WDR27: variants seen among roughly 807,000 people sequenced by gnomAD.
The protein encoded by WDR27 is WD repeat domain 27.
Under a neutral mutation model 114.4 loss-of-function variants are expected in WDR27, and 100 were observed. The observed-to-expected ratio is 0.87, with a 90% confidence interval of 0.74 to 1.03. The LOEUF is 1.03. WDR27 is among the 50% of genes least tolerant of loss of function. WDR27 has a pLI of 0.00. For synonymous variants in WDR27, 449 were observed against 423.1 expected (o/e 1.06, Z -0.75); for missense variants, 1,129 against 1,092.9 (o/e 1.03, Z -0.47).
chr6:169,677,015 ATG>A lies in WDR27; in HGVS notation c.190-4621_190-4620del, dbSNP rs1257457138. On this transcript the variant is annotated intron_variant, in intron 2 of 25. Coordinates refer to ENST00000448612, the MANE Select transcript of WDR27 (RefSeq NM_182552.5). Reference sequence around the variant, plus strand: ...GATGCTTTCATTGACATAGCAATTCATGAAAGGCCTAATACAGAAAATTGGTA... The same window carrying A: ...GATGCTTTCATTGACATAGCAATTCAAAAGGCCTAATACAGAAAATTGGTA... Among the ~76,000 whole-genome samples, 3 of 152,212 alleles carry A rather than the reference ATG, an allele frequency of 2.0e-5. No individual in the cohort carries two copies. The East Asian group carries it at 5.8e-4, about 29-fold the overall frequency.
chr6:169,596,205 T>G (rs559898620), intron 23 of WDR27, among the ~76,000 whole-genome samples: 11 of 152,226 alleles, frequency 7.2e-5, no homozygotes, highest in African/African-American at 2.6e-4. Context: ...TTTGTTCTGT[T>G]TAATTGACTT....
intron 22 of WDR27, among the ~76,000 whole-genome samples, chr6:169,606,806 T>C (rs1442433643): frequency 6.6e-6 from 1 of 152,246 alleles, no homozygotes; most frequent in Non-Finnish European, 1.5e-5. Flanking sequence ...TAGAATGATT[T>C]ATATTCCTTT....
chr6:169,650,130 C>T (rs1821929090), intron 14 of WDR27, among the ~76,000 whole-genome samples: 1 of 149,188 alleles, frequency 6.7e-6, no homozygotes. Flanking sequence ...CTCACTCATC[C>T]ATCTCTCAAC....
intron 24 of WDR27, among the ~76,000 whole-genome samples, chr6:169,579,357 T>C (rs947327578): frequency 2.0e-5 from 3 of 152,180 alleles, no homozygotes; most frequent in Admixed American, 6.5e-5. Flanking sequence ...ATAAGATATA[T>C]GTTTTAAGTT....
chr6:169,544,432 T>C (rs530395106), intron 25 of WDR27, among the ~76,000 whole-genome samples: 55 of 151,918 alleles, frequency 3.6e-4, no homozygotes, highest in African/African-American at 1.2e-3. Flanking sequence ...TTTCCTTTTT[T>C]TTTTTTTTGT....
chr6:169,655,337 C>T (rs1173954515), intron 13 of WDR27, among the ~76,000 whole-genome samples: 2 of 152,218 alleles, frequency 1.3e-5, no homozygotes, highest in South Asian at 2.1e-4. Context: ...AGCAGCTGCC[C>T]GCACAGAAGA....
chr6:169,476,028 C>T (rs959627576), intron 25 of WDR27, among the ~76,000 whole-genome samples: 3 of 152,152 alleles, frequency 2.0e-5, no homozygotes, highest in Non-Finnish European at 4.4e-5. Context: ...TGGAATGTTA[C>T]TTAGATCTTC....
At chr6:169,624,438 C>T (rs748575519) in intron 21 of WDR27, among the ~76,000 whole-genome samples, 9 of 152,116 alleles carry the variant, frequency 5.9e-5, no homozygotes, top group Non-Finnish European at 1.2e-4. Context: ...CTCTCAAGCT[C>T]GAGTGACTTA....
chr6:169,538,369 C>T (rs1243844623), intron 25 of WDR27, among the ~76,000 whole-genome samples: 1 of 152,086 alleles, frequency 6.6e-6, no homozygotes, highest in East Asian at 1.9e-4. Context: ...TGCTTTGTCA[C>T]ACTGAGCGAA....
chr6:169,591,251 T>C (rs1300301710), intron 23 of WDR27, among the ~76,000 whole-genome samples: 1 of 152,184 alleles, frequency 6.6e-6, no homozygotes, highest in Non-Finnish European at 1.5e-5. Flanking sequence ...CCATTGGCCA[T>C]CTGTATGTGT....
intron 25 of WDR27, among the ~76,000 whole-genome samples, chr6:169,547,433 A>T (rs1387346351): frequency 6.6e-6 from 1 of 152,230 alleles, no homozygotes; most frequent in Non-Finnish European, 1.5e-5. Flanking sequence ...TCAATAAAAT[A>T]TTAATAAGTT....
intron 3 of WDR27, 154 bp downstream of exon 3, chr6:169,672,101 T>C (rs1778890225): frequency 2.9e-6 from 2 of 688,304 alleles, no homozygotes; most frequent in Non-Finnish European, 4.5e-6. Flanking sequence ...CTTGCATGCC[T>C]GGGTTCAAGG....
intron 22 of WDR27, among the ~76,000 whole-genome samples, chr6:169,613,194 C>A (rs1811001473): frequency 6.6e-6 from 1 of 152,180 alleles, no homozygotes; most frequent in South Asian, 2.1e-4. Flanking sequence ...GCTGGCCCTG[C>A]GTTACGGGGG....
intron 25 of WDR27, among the ~76,000 whole-genome samples, chr6:169,504,075 A>G (rs1791692229): frequency 1.3e-5 from 2 of 152,084 alleles, no homozygotes. Context: ...GAGTGGATAG[A>G]TAAAAAGATA....
chr6:169,468,055 T>C (rs1009012949), intron 25 of WDR27, among the ~76,000 whole-genome samples: 18 of 152,214 alleles, frequency 1.2e-4, no homozygotes, highest in African/African-American at 4.3e-4. Flanking sequence ...TCCATAGATC[T>C]CTAGGGCATA....
rs376356373 is a variant in WDR27, at chr6:169,636,471, C to A, written c.1903G>T (p.Ala635Ser). ...KDMFSKPIQS[A>S]QFYYIDAFIL... The stretch of plus-strand genomic sequence containing the variant: ...AAGGCATCTATATAATAGAACTGTG[C>A]AGACTGTATAGGTTTAGAAAACATG... Residue 635 changes from alanine to serine, a missense_variant, in exon 19 of 26, where the codon GCA becomes TCA. Coordinates refer to ENST00000448612, the MANE Select transcript of WDR27 (RefSeq NM_182552.5). 1 of 1,613,666 alleles carries A rather than the reference C, an allele frequency of 6.2e-7. No homozygotes were observed. Among genetic ancestry groups the A allele is most frequent in the Non-Finnish European group, 8.5e-7 (1 of 1,179,726 alleles).
intron 25 of WDR27, among the ~76,000 whole-genome samples, chr6:169,547,455 T>C (rs1171589461): frequency 1.3e-5 from 2 of 152,166 alleles, no homozygotes; most frequent in African/African-American, 2.4e-5. Context: ...AATCCAACAA[T>C]GTACGAAAGA....
chr6:169,443,680 GACCCTTCAGAGGCAGGGAGCTCAGGCC>G, the WDR27 span, among the ~76,000 whole-genome samples: 1 of 152,200 alleles, frequency 6.6e-6, no homozygotes, highest in Non-Finnish European at 1.5e-5. Context: ...ACTCAGGACA[GACCCTTCAGAGGCAGGGAGCTCAGGCC>G]TGATGTCATC....
chr6:169,519,868 G>T (rs184625429), intron 25 of WDR27, among the ~76,000 whole-genome samples: 1 of 151,980 alleles, frequency 6.6e-6, no homozygotes, highest in African/African-American at 2.4e-5. Context: ...CATCTGTGAT[G>T]GTTTTCCCCC....
Sources: gnomAD v4.1 joint callset for allele counts (sites outside exome capture counted in the v4.1 genomes callset) on GRCh38, gnomAD v4.1.1 for gene constraint, MANE v1.5 for transcripts, NCBI Gene and HGNC (gene_info 2026-07-23, HGNC 2026-07-21) for gene names.